Variants in SYMPK observed in about 807,000 individuals in gnomAD.
SYMPK encodes symplekin.
In SYMPK, 49 loss-of-function variants were observed where a neutral mutation model predicts 136.4. The ratio of observed to expected loss-of-function variants is 0.36; its 90% CI spans 0.29 to 0.46. SYMPK has a LOEUF of 0.46. SYMPK is among the 20% of genes least tolerant of loss of function. The pLI, the probability that SYMPK is intolerant of heterozygous loss-of-function variation, is 1.00. For missense variants in SYMPK, 1,365 were observed against 1,690.0 expected (o/e 0.81, Z 3.37); for synonymous variants, 766 against 713.0 (o/e 1.07, Z -1.19).
intron 14 of SYMPK, 194 bp from the exon 15 acceptor site, chr19:45,828,112 T>C (rs1051738529): frequency 1.4e-5 from 8 of 565,652 alleles, no homozygotes; most frequent in Admixed American, 3.1e-5. Context: ...GGGCAGAGAC[T>C]GCACCTCTCT....
At position 45,854,223 on chromosome 19, in the gene SYMPK, G is replaced by T; in HGVS notation, c.123C>A (p.Asn41Lys). The stretch of plus-strand genomic sequence containing the variant: ...AGTCATTGGTGATCAGCGCCGCCTG[G>T]TTCAGAAGATCCACCACCTGGAAGG... ...TTSERVVDLL[N>K]QAALITNDSK... is the part of the protein sequence containing the mutation. Residue 41 changes from asparagine (N) to lysine (K), a missense_variant, in exon 3 of 27, where the codon AAC (asparagine) becomes AAA (lysine). Physicochemically the swap from Asn to Lys is moderately conservative, Grantham distance 94 (BLOSUM62 0). Around this residue, in one of 11 missense-constraint regions of SYMPK, gnomAD observed 61 missense variants for 80.7 expected, o/e 0.76. Coordinates refer to ENST00000245934, the MANE Select transcript of SYMPK (RefSeq NM_004819.3). The T allele has an allele frequency of 6.2e-7, 1 of 1,614,124 alleles. No homozygotes were observed. Among genetic ancestry groups the T allele is most frequent in the Middle Eastern group, 1.6e-4 (1 of 6,062 alleles).
At chr19:45,828,371 G>C (rs545642928) in intron 14 of SYMPK, 2 of 187,964 alleles carry the variant, frequency 1.1e-5, no homozygotes, top group Admixed American at 1.1e-4. Context: ...TGACATGTTC[G>C]AGGAACAGAC....
intron 7 of SYMPK, among the ~76,000 whole-genome samples, chr19:45,846,995 T>C (rs953092055): frequency 3.9e-5 from 6 of 152,076 alleles, no homozygotes; most frequent in Admixed American, 1.3e-4. Context: ...GGTTTCACCA[T>C]GTTGGCCAGG....
chr19:45,852,643 T>C lies in SYMPK; in HGVS notation c.172-108A>G, dbSNP rs1053489342. ...AGACAGCAGAGGGCTAGGCAGCAGATACACTCATTTCAATGCCTGGCTCTG... is the reference window on the plus strand; with the variant it reads ...AGACAGCAGAGGGCTAGGCAGCAGACACACTCATTTCAATGCCTGGCTCTG... On this transcript the variant is annotated intron_variant, in intron 3 of 26. Coordinates refer to ENST00000245934, the MANE Select transcript of SYMPK (RefSeq NM_004819.3). 3.0e-6 allele frequency: 4 copies of C among 1,330,864 alleles called. No homozygotes were observed. The South Asian group carries it at 4.8e-5, about 16-fold the overall frequency. The allele number at this position is 1,330,864 out of a possible 1,614,324, so 82.4% of individuals were successfully genotyped here.
At position 45,829,253 on chromosome 19, in the gene SYMPK, G is replaced by T. The variant is rs1047353218; in HGVS notation, c.1750-48C>A. 8 of 1,533,530 alleles carry T rather than the reference G, an allele frequency of 5.2e-6. No individual in the cohort carries two copies. The Admixed American group carries it at 1.0e-4, about 20-fold the overall frequency. 95.0% of individuals were successfully genotyped at this position (1,533,530 alleles called of 1,614,324 possible). A position where few individuals can be genotyped will look rare whatever the true frequency, so the allele number is the denominator to read the frequency against. ...TGTCAGTGTAGGGTGGGCAATCCAG[G>T]GACTCCGCAATCGTGCCCTGCGACT... On this transcript the variant is annotated intron_variant, in intron 13 of 26. Transcript: ENST00000245934.
chr19:45,816,289 G>T, intron 25 of SYMPK, 106 bp from the exon 26 acceptor site: 1 of 1,115,072 alleles, frequency 9.0e-7, no homozygotes, highest in Non-Finnish European at 1.2e-6. Context: ...TTCACCAAGA[G>T]CATGGGGAGG....
intron 14 of SYMPK, chr19:45,828,674 G>C (rs568343659): frequency 2.1e-6 from 1 of 477,956 alleles, no homozygotes; most frequent in East Asian, 3.8e-5. Flanking sequence ...GGTGAGCACT[G>C]TTATTTACAG....
At chr19:45,844,869 T>C (rs1400277391) in intron 7 of SYMPK, among the ~76,000 whole-genome samples, 2 of 152,148 alleles carry the variant, frequency 1.3e-5, no homozygotes, top group African/African-American at 4.8e-5. Context: ...ACATAACGAA[T>C]GCCATATATA....
intron 13 of SYMPK, among the ~76,000 whole-genome samples, 190 bp from the exon 14 acceptor site, chr19:45,829,395 G>C (rs1475049722): frequency 6.6e-6 from 1 of 152,108 alleles, no homozygotes. Context: ...GGGGGTACCA[G>C]GGTGGGGATC....
chr19:45,817,445 T>G (rs1256258382), intron 23 of SYMPK, among the ~76,000 whole-genome samples: 1 of 118,964 alleles, frequency 8.4e-6, no homozygotes. Flanking sequence ...TTTTTTTTTT[T>G]GAGAGATGGT....
intron 1 of SYMPK, chr19:45,862,408 G>T (rs1333342974): frequency 2.6e-5 from 4 of 152,122 alleles, no homozygotes; most frequent in African/African-American, 4.8e-5. Context: ...TTCCTTCAAC[G>T]AACATTAGCT....
rs1031579516 is a variant in SYMPK at position 45,831,364 on chromosome 19, G to T, written c.1598+20C>A. On this transcript the variant is annotated intron_variant, in intron 12 of 26. Transcript: ENST00000245934. ...AGGGTAGGGCTCCTGTCCTGCCCTA[G>T]CACCCAGAAGAGGACTCACCGGGGC... 1 of 1,512,990 alleles carries T rather than the reference G, an allele frequency of 6.6e-7. No homozygotes were observed. Among genetic ancestry groups the T allele is most frequent in the Admixed American group, 2.2e-5 (1 of 46,476 alleles). The allele number at this position is 1,512,990 out of a possible 1,614,324, so 93.7% of individuals were successfully genotyped here.
intron 23 of SYMPK, among the ~76,000 whole-genome samples, chr19:45,817,417 C>CTTTTTTTTTTTTTTTTTTTTT (rs559430104): frequency 2.8e-5 from 3 of 108,480 alleles, no homozygotes; most frequent in African/African-American, 1.1e-4. Context: ...TTTTTGTTCT[C>CTTTTTTTTTTTTTTTTTTTTT]TTTTTTTTTT....
At chr19:45,818,985 CA>C (rs1970819646) in intron 22 of SYMPK, 1 of 114,464 alleles carries the variant, frequency 8.7e-6, no homozygotes, top group African/African-American at 3.3e-5. Context: ...TAATGGAGAA[CA>C]GGGGTGGGGT....
chr19:45,820,910 G>A (rs377244801), intron 22 of SYMPK: 1 of 572,610 alleles, frequency 1.7e-6, no homozygotes, highest in East Asian at 3.0e-5. Context: ...CTCAGTGAGT[G>A]GGGGCCATCG....
rs1236296491 is a variant in SYMPK at position 45,817,411 on chromosome 19, T to G, written c.3082-437A>C. On this transcript the variant is annotated intron_variant, in intron 23 of 26. Coordinates refer to ENST00000245934, the MANE Select transcript of SYMPK (RefSeq NM_004819.3). ...TTAGTCCTGCGGGGTTTGGTTTTTT[T>G]GTTCTCTTTTTTTTTTTTTTTTTTT... Among the ~76,000 whole-genome samples, 20 of 135,322 alleles carry G rather than the reference T, an allele frequency of 1.5e-4. No individual in the cohort carries two copies. In the East Asian group the frequency reaches 4.0e-3, roughly 27 times the overall value. 88.8% of individuals were successfully genotyped at this position (135,322 alleles called of 152,430 possible).
intron 9 of SYMPK, among the ~76,000 whole-genome samples, chr19:45,840,088 G>A (rs1011244534): frequency 6.6e-6 from 1 of 151,896 alleles, no homozygotes; most frequent in African/African-American, 2.4e-5. Flanking sequence ...TGAGGCGGGT[G>A]GATTACCTGA....
At position 45,856,505 on chromosome 19, in the gene SYMPK, C is replaced by T. The variant is rs571058416; in HGVS notation, c.-12-1998G>A. Among the ~76,000 whole-genome samples, 4 of 152,256 alleles carry T rather than the reference C, an allele frequency of 2.6e-5. No individual in the cohort carries two copies. The East Asian group carries it at 5.8e-4, about 22-fold the overall frequency. On this transcript the variant is annotated intron_variant, in intron 1 of 26. Transcript: ENST00000245934. ...ATTTAACTTCTCTGGCTCTCAGTTT[C>T]CTCTTCTAGGAAACAGGGATAGTAA...
In SYMPK at chr19:45,818,036, C is replaced by T; in HGVS notation, c.3004G>A (p.Val1002Ile). The T allele has an allele frequency of 1.9e-6, 3 of 1,574,322 alleles. No individual in the cohort carries two copies. The highest frequency in any genetic ancestry group is 2.3e-5 in the East Asian group (1 of 42,760). Residue 1002 changes from valine (V) to isoleucine (I), a missense_variant, in exon 23 of 27, where the codon GTC becomes ATC. Coordinates refer to ENST00000245934, the MANE Select transcript of SYMPK (RefSeq NM_004819.3). ...GGGTACATGGTCAGGGACTGGATGA[C>T]GGTCCTCATGAGCAGCATGGGCAGG... ...SPLPMLLMRT[V>I]IQSLTMYPRL...
Sources: gnomAD v4.1 joint callset for allele counts (sites outside exome capture counted in the v4.1 genomes callset) on GRCh38, gnomAD v4.1.1 for gene constraint, gnomAD v4.1.1 regional missense constraint, MANE v1.5 for transcripts, NCBI Gene and HGNC (gene_info 2026-07-23, HGNC 2026-07-21) for gene names.